HRH4: variants seen among roughly 807,000 people sequenced by gnomAD.
The protein encoded by HRH4 is histamine receptor H4.
Under a neutral mutation model 10.4 loss-of-function variants are expected in HRH4, and 12 were observed. That is an observed-to-expected ratio of 1.15 (90% CI 0.74 to 1.87). The LOEUF is 1.87. Ranked by LOEUF, HRH4 falls within the 40% of genes most tolerant of loss-of-function variation. The pLI is 0.00. For synonymous variants in HRH4, 154 were observed against 166.6 expected (o/e 0.92, Z 0.58); for missense variants, 415 against 453.3 (o/e 0.92, Z 0.77).
chr18:24,467,007 T>G (rs908361236), intron 1 of HRH4, among the ~76,000 whole-genome samples: 1 of 152,224 alleles, frequency 6.6e-6, no homozygotes, highest in Non-Finnish European at 1.5e-5. Flanking sequence ...AGTGAAGAGT[T>G]GCAGGTAAAG....
intron 1 of HRH4, among the ~76,000 whole-genome samples, chr18:24,464,512 A>G (rs369713707): frequency 1.9e-4 from 29 of 152,184 alleles, no homozygotes; most frequent in African/African-American, 6.5e-4. Context: ...TTCAGGCCAT[A>G]ACACCCTCTG....
At chr18:24,463,794 T>C (rs1351849269) in intron 1 of HRH4, among the ~76,000 whole-genome samples, 3 of 152,332 alleles carry the variant, frequency 2.0e-5, no homozygotes, top group African/African-American at 4.8e-5. Flanking sequence ...CAAAGATTTA[T>C]TGAGGAAAAA....
chr18:24,462,899 A>T (rs1403528888), intron 1 of HRH4, among the ~76,000 whole-genome samples: 1 of 152,202 alleles, frequency 6.6e-6, no homozygotes, highest in African/African-American at 2.4e-5. Flanking sequence ...AACATAGAGA[A>T]AGTTCCACTA....
intron 2 of HRH4, among the ~76,000 whole-genome samples, chr18:24,473,831 C>T (rs1453362531): frequency 6.6e-6 from 1 of 152,096 alleles, no homozygotes; most frequent in Non-Finnish European, 1.5e-5. Context: ...CCAAAAAAAC[C>T]TGATTGACAG....
At chr18:24,474,520 A>G (rs1290582915) in intron 2 of HRH4, among the ~76,000 whole-genome samples, 1 of 152,180 alleles carries the variant, frequency 6.6e-6, no homozygotes, top group Non-Finnish European at 1.5e-5. Context: ...CCTTTAAACC[A>G]TGAGAAACCA....
rs1413488598 is a variant in HRH4, at chr18:24,460,819, C to T, written c.91C>T (p.Leu31=). 1 of 1,588,710 alleles carries T rather than the reference C, an allele frequency of 6.3e-7. No homozygotes were observed. The highest frequency in any genetic ancestry group is 8.6e-7 in the Non-Finnish European group (1 of 1,161,950). ...FMSLVAFAIM[L]GNALVILAFV... ...GTCCTTAGTAGCTTTTGCTATAATGCTAGGAAATGCTTTGGTCATTTTAGC... is the reference window on the plus strand; with the variant it reads ...GTCCTTAGTAGCTTTTGCTATAATGTTAGGAAATGCTTTGGTCATTTTAGC... Residue 31 remains leucine (L), a synonymous_variant, in exon 1 of 3, where the codon CTA becomes TTA. Coordinates refer to ENST00000256906, the MANE Select transcript of HRH4 (RefSeq NM_021624.4).
Position 24,477,703 on chromosome 18 carries a change from GT to G in HRH4, c.*142del, listed in dbSNP as rs1183432075. The G allele has an allele frequency of 1.6e-5, 9 of 558,106 alleles. No individual in the cohort carries two copies. Among genetic ancestry groups the G allele is most frequent in the Non-Finnish European group, 2.5e-5 (8 of 321,670 alleles). 34.6% of individuals were successfully genotyped at this position (558,106 alleles called of 1,614,324 possible). ...TAAATTACTCCAGTGAATAATAGCA[GT>G]ATAATATGACTTGATAATATTTTTG... On this transcript the variant is annotated 3_prime_UTR_variant, in exon 3 of 3. Transcript: ENST00000256906.
chr18:24,479,743 G>A lies in HRH4; in HGVS notation c.*2181G>A, dbSNP rs1250003833. On this transcript the variant is annotated 3_prime_UTR_variant, in exon 3 of 3. Transcript: ENST00000256906. ...TTGGTGTTTCTTTTATAACTTTGCA[G>A]TTCTTACACCGTTTGGTGATTTTCA... 1 of 152,022 alleles carries A rather than the reference G, an allele frequency of 6.6e-6. No individual in the cohort carries two copies. The highest frequency in any genetic ancestry group is 1.5e-5 in the Non-Finnish European group (1 of 68,006). 9.4% of individuals were successfully genotyped at this position (152,022 alleles called of 1,614,324 possible).
In HRH4 at chr18:24,461,049, G is replaced by A. The variant is rs1490447268; in HGVS notation, c.193+128G>A. The A allele has an allele frequency of 3.2e-5, 21 of 666,596 alleles. No individual in the cohort carries two copies. The East Asian group carries it at 3.9e-4, about 12-fold the overall frequency. 41.3% of individuals were successfully genotyped at this position (666,596 alleles called of 1,614,324 possible). A position where few individuals can be genotyped will look rare whatever the true frequency, so the allele number is the denominator to read the frequency against. On this transcript the variant is annotated intron_variant, in intron 1 of 2. Transcript: ENST00000256906. ...GGAAAAATAAACACAAAAAGTTTAA[G>A]TATTAAATTTTGGAGGGGGCTATAT...
chr18:24,470,689 A>G (rs1773146925), intron 2 of HRH4, among the ~76,000 whole-genome samples: 1 of 151,148 alleles, frequency 6.6e-6, no homozygotes, highest in Admixed American at 6.6e-5. Context: ...TTTTTAGTAG[A>G]GATGGGCTTT....
At chr18:24,467,208 G>A (rs998571808) in intron 1 of HRH4, among the ~76,000 whole-genome samples, 25 of 152,164 alleles carry the variant, frequency 1.6e-4, no homozygotes, top group Non-Finnish European at 3.1e-4. Flanking sequence ...ACAGCACAGG[G>A]TCTGCCATAT....
chr18:24,466,166 G>A (rs1311965932), intron 1 of HRH4, among the ~76,000 whole-genome samples: 2 of 151,686 alleles, frequency 1.3e-5, no homozygotes, highest in East Asian at 1.9e-4. Context: ...AGGCTGGAGT[G>A]CAGTGGCGTG....
At chr18:24,461,725 T>C (rs941598789) in intron 1 of HRH4, among the ~76,000 whole-genome samples, 2 of 152,114 alleles carry the variant, frequency 1.3e-5, no homozygotes, top group Non-Finnish European at 2.9e-5. Context: ...CTTAGTTCAT[T>C]CCCTGGAATA....
chr18:24,472,932 A>G, intron 2 of HRH4, among the ~76,000 whole-genome samples: 1 of 152,182 alleles, frequency 6.6e-6, no homozygotes. Flanking sequence ...AGGCTGGCAG[A>G]TCACTTGAGG....
intron 2 of HRH4, among the ~76,000 whole-genome samples, chr18:24,475,055 C>G (rs1296535568): frequency 6.6e-6 from 1 of 152,034 alleles, no homozygotes; most frequent in East Asian, 1.9e-4. Flanking sequence ...TTCCTTATAC[C>G]TCATAGAGTG....
rs528544378 is a variant in HRH4 at position 24,477,346 on chromosome 18, T to C, written c.957T>C (p.Tyr319=). 325 of 1,614,114 alleles carry C rather than the reference T, an allele frequency of 2.0e-4. 5 individuals carry two copies. The South Asian group carries it at 3.5e-3, about 17-fold the overall frequency. Residue 319 remains tyrosine (Y), a synonymous_variant, in exon 3 of 3, where the codon TAT becomes TAC. Transcript: ENST00000256906. The stretch of plus-strand genomic sequence containing the variant: ...TTTTTGCTGTTTGCTGGGCTCCATA[T>C]TCTCTGTTCACAATTGTCCTTTCAT... ...LGVFAVCWAP[Y]SLFTIVLSFY...
At chr18:24,471,653 TA>T (rs1287206740) in intron 2 of HRH4, among the ~76,000 whole-genome samples, 1 of 72,762 alleles carries the variant, frequency 1.4e-5, no homozygotes, top group Non-Finnish European at 3.0e-5. Context: ...TAGAACAAAA[TA>T]AAAAATTAGA....
intron 2 of HRH4, among the ~76,000 whole-genome samples, chr18:24,469,616 T>C (rs17187619): frequency 0.21 from 31,643 of 152,100 alleles, 3,702 homozygotes; most frequent in Admixed American, 0.33. Flanking sequence ...GGGGCAGTGA[T>C]CTGAAACCTT....
At chr18:24,475,149 G>T (rs1910102748) in intron 2 of HRH4, among the ~76,000 whole-genome samples, 1 of 152,122 alleles carries the variant, frequency 6.6e-6, no homozygotes, top group Non-Finnish European at 1.5e-5. Flanking sequence ...TGTGATGGGA[G>T]GGCAGTCCTC....
Sources: gnomAD v4.1 joint callset for allele counts (sites outside exome capture counted in the v4.1 genomes callset) on GRCh38, gnomAD v4.1.1 for gene constraint, MANE v1.5 for transcripts, NCBI Gene and HGNC (gene_info 2026-07-23, HGNC 2026-07-21) for gene names.